Variants in KCNH8 observed in about 807,000 individuals in gnomAD.
The protein encoded by KCNH8 is voltage-gated delayed rectifier potassium channel KCNH8.
Under a neutral mutation model 103.6 loss-of-function variants are expected in KCNH8, and 70 were observed. The ratio of observed to expected loss-of-function variants is 0.68; its 90% CI spans 0.56 to 0.82. KCNH8 has a LOEUF of 0.82. KCNH8 is among the 40% of genes least tolerant of loss of function. The pLI is 0.00. For missense variants in KCNH8, 1,217 were observed against 1,329.9 expected (o/e 0.92, Z 1.32); for synonymous variants, 498 against 489.4 (o/e 1.02, Z -0.23).
intron 15 of KCNH8, among the ~76,000 whole-genome samples, chr3:19,518,550 C>T (rs1414053955): frequency 5.3e-5 from 8 of 151,944 alleles, no homozygotes; most frequent in Non-Finnish European, 7.4e-5. Flanking sequence ...TACTTTACCT[C>T]TCTAAATCTT....
At chr3:19,447,676 G>A (rs1038940102) in intron 8 of KCNH8, among the ~76,000 whole-genome samples, 37 of 151,974 alleles carry the variant, frequency 2.4e-4, no homozygotes, top group African/African-American at 8.9e-4. Context: ...ACTTGGAGCA[G>A]AATCAGTTCT....
chr3:19,451,240 G>A lies in KCNH8; in HGVS notation c.1661G>A (p.Cys554Tyr). ...KEILQLSLFE[C>Y]ASRGCLRSLS... is the part of the protein sequence containing the mutation. ...ATCTTACAGTTGTCCCTTTTTGAAT[G>A]TGCCAGCCGGGGCTGCCTCAGGTCT... The change falls in exon 10 of 16, where the codon TGT (cysteine) becomes TAT (tyrosine). Residue 554 changes from cysteine (C) to tyrosine (Y), a missense_variant. This residue lies in a region of KCNH8 where 415 missense variants were observed against 577.4 expected (regional missense o/e 0.72). Transcript: ENST00000328405. The A allele has an allele frequency of 6.2e-7, 1 of 1,613,822 alleles. No individual in the cohort carries two copies. Among genetic ancestry groups the A allele is most frequent in the South Asian group, 1.1e-5 (1 of 91,082 alleles).
chr3:19,529,319 G>C (rs1009806490), intron 15 of KCNH8, among the ~76,000 whole-genome samples: 8 of 152,270 alleles, frequency 5.3e-5, no homozygotes, highest in Middle Eastern at 3.4e-3. Context: ...TTGCAGTTAA[G>C]TTGTATTTTG....
intron 7 of KCNH8, among the ~76,000 whole-genome samples, chr3:19,429,459 C>T (rs574413932): frequency 5.3e-5 from 8 of 152,294 alleles, no homozygotes; most frequent in African/African-American, 1.7e-4. Context: ...CAGGCGTGAG[C>T]CACCGCGCCC....
Position 19,515,447 on chromosome 3 carries a change from C to G in KCNH8, c.2542+19C>G. The G allele has an allele frequency of 7.9e-7, 1 of 1,265,122 alleles. No homozygotes were observed. The highest frequency in any genetic ancestry group is 1.1e-6 in the Non-Finnish European group (1 of 922,780). The allele number at this position is 1,265,122 out of a possible 1,614,324, so 78.4% of individuals were successfully genotyped here. Reference sequence around the variant, plus strand: ...CTTGGAGGTAAGATCTATATTTAGTCTTCTCCTAAGGTAAAATATTTCTTA... The same window carrying G: ...CTTGGAGGTAAGATCTATATTTAGTGTTCTCCTAAGGTAAAATATTTCTTA... On this transcript the variant is annotated intron_variant, in intron 14 of 15. Coordinates refer to ENST00000328405, the MANE Select transcript of KCNH8 (RefSeq NM_144633.3).
chr3:19,377,474 A>G (rs866899163), intron 5 of KCNH8, among the ~76,000 whole-genome samples: 2 of 152,238 alleles, frequency 1.3e-5, no homozygotes. Flanking sequence ...TTTTTATCCA[A>G]TATATTTATG....
intron 5 of KCNH8, among the ~76,000 whole-genome samples, chr3:19,368,496 C>T (rs771885463): frequency 3.3e-5 from 5 of 151,876 alleles, no homozygotes; most frequent in African/African-American, 9.7e-5. Flanking sequence ...AAGGTGGCAA[C>T]AAGAAAGCAG....
intron 1 of KCNH8, among the ~76,000 whole-genome samples, chr3:19,207,824 G>C (rs1026414490): frequency 2.0e-5 from 3 of 151,956 alleles, no homozygotes; most frequent in Non-Finnish European, 4.4e-5. Context: ...CTGTCTCATA[G>C]TTAATGGCTT....
chr3:19,388,453 T>C (rs2066389306), intron 5 of KCNH8, among the ~76,000 whole-genome samples: 1 of 152,064 alleles, frequency 6.6e-6, no homozygotes, highest in South Asian at 2.1e-4. Context: ...CATTGACCTG[T>C]CTCCCTCACG....
intron 15 of KCNH8, among the ~76,000 whole-genome samples, chr3:19,529,906 G>C (rs573036576): frequency 6.6e-6 from 1 of 152,256 alleles, no homozygotes; most frequent in African/African-American, 2.4e-5. Context: ...GTTTCCTTGA[G>C]TTACTTGCTC....
rs904089786 is a variant in KCNH8, at chr3:19,403,595, T to C, written c.1177+8284T>C. On this transcript the variant is annotated intron_variant, in intron 7 of 15. Coordinates refer to ENST00000328405, the MANE Select transcript of KCNH8 (RefSeq NM_144633.3). Reference sequence around the variant, plus strand: ...ACCTTATACAGGTATAAGAATTAAATACTGACTAAGTCTGAGTCACTGATT... The same window carrying C: ...ACCTTATACAGGTATAAGAATTAAACACTGACTAAGTCTGAGTCACTGATT... Among the ~76,000 whole-genome samples, 5 of 151,424 alleles carry C rather than the reference T, an allele frequency of 3.3e-5. No individual in the cohort carries two copies. In the East Asian group the frequency reaches 9.7e-4, roughly 29 times the overall value.
At chr3:19,475,133 C>A (rs371806557) in intron 11 of KCNH8, among the ~76,000 whole-genome samples, 1 of 152,118 alleles carries the variant, frequency 6.6e-6, no homozygotes, top group Non-Finnish European at 1.5e-5. Flanking sequence ...CAGAATTGCA[C>A]AAATTTTTGT....
At chr3:19,280,879 A>G (rs940346141) in intron 2 of KCNH8, among the ~76,000 whole-genome samples, 2 of 152,104 alleles carry the variant, frequency 1.3e-5, no homozygotes, top group African/African-American at 2.4e-5. Context: ...GCAATCTCTC[A>G]TAAAGTGGAA....
At chr3:19,422,766 T>C (rs116230900) in intron 7 of KCNH8, among the ~76,000 whole-genome samples, 1,553 of 152,208 alleles carry the variant, frequency 0.01, 26 homozygotes, top group African/African-American at 0.035. Context: ...ATAATCCCTA[T>C]GTTCACAAAG....
intron 3 of KCNH8, among the ~76,000 whole-genome samples, chr3:19,287,534 T>C (rs1434344133): frequency 6.6e-6 from 1 of 152,050 alleles, no homozygotes; most frequent in African/African-American, 2.4e-5. Flanking sequence ...GTTCAAATTA[T>C]TTAAGAATCA....
chr3:19,179,174 G>C (rs1436273699), intron 1 of KCNH8, among the ~76,000 whole-genome samples: 4 of 151,920 alleles, frequency 2.6e-5, no homozygotes, highest in African/African-American at 7.3e-5. Context: ...TTGTTGATCT[G>C]GTTTTGTTTG....
chr3:19,298,540 TG>T (rs1013613511), intron 3 of KCNH8, among the ~76,000 whole-genome samples: 1 of 152,148 alleles, frequency 6.6e-6, no homozygotes, highest in Non-Finnish European at 1.5e-5. Context: ...TGTGATGAGC[TG>T]GGGGTGCAGA....
intron 1 of KCNH8, among the ~76,000 whole-genome samples, chr3:19,224,827 T>C (rs2063911620): frequency 6.6e-6 from 1 of 152,158 alleles, no homozygotes. Context: ...TAGGTGTTAA[T>C]GAGTACTGTA....
At chr3:19,201,472 G>A (rs971558192) in intron 1 of KCNH8, among the ~76,000 whole-genome samples, 8 of 151,846 alleles carry the variant, frequency 5.3e-5, no homozygotes, top group South Asian at 2.1e-4. Context: ...CTGTATGTCC[G>A]TTTTATACAT....
Sources: allele counts gnomAD v4.1 joint callset (sites outside exome capture counted in the v4.1 genomes callset), GRCh38; gene constraint gnomAD v4.1.1; regional missense constraint gnomAD v4.1.1; transcripts MANE v1.5; gene names NCBI Gene and HGNC (gene_info 2026-07-23, HGNC 2026-07-21).